LARGE1: variants seen among roughly 807,000 people sequenced by gnomAD.
LARGE1 encodes the protein xylosyl- and glucuronyltransferase LARGE1.
In LARGE1, 43 loss-of-function variants were observed where a neutral mutation model predicts 87.6. That is an observed-to-expected ratio of 0.49 (90% CI 0.38 to 0.63). The LOEUF is 0.63. Ranked by LOEUF, LARGE1 falls within the 30% of genes least tolerant of loss-of-function variation. The probability of loss-of-function intolerance (pLI) is 0.00; values close to 1 mark genes in which losing one functional copy is unlikely to be tolerated. For synonymous variants in LARGE1, 434 were observed against 394.6 expected, an observed-to-expected ratio of 1.10 and a Z score of -1.18; for missense variants, 802 against 1,000.2, an observed-to-expected ratio of 0.80 and a Z score of 2.67.
intron 6 of LARGE1, among the ~76,000 whole-genome samples, chr22:33,506,863 T>C (rs1204918300): frequency 6.6e-6 from 1 of 152,114 alleles, no homozygotes; most frequent in Non-Finnish European, 1.5e-5. Flanking sequence ...ATCACGCCAT[T>C]GTACTCCAGC....
At chr22:33,199,154 T>G (rs556643630) in intron 11 of LARGE1, among the ~76,000 whole-genome samples, 3 of 152,062 alleles carry the variant, frequency 2.0e-5, no homozygotes, top group Admixed American at 2.0e-4. Flanking sequence ...GTCTTCTTTT[T>G]AAAAATATCT....
chr22:33,093,838 T>G, the LARGE1 span, among the ~76,000 whole-genome samples: 1 of 144,860 alleles, frequency 6.9e-6, no homozygotes, highest in Admixed American at 6.9e-5. Context: ...TTTTTTTTTT[T>G]TTTTTTGAGA....
At chr22:33,564,049 G>C (rs1374280800) in intron 6 of LARGE1, among the ~76,000 whole-genome samples, 1 of 152,212 alleles carries the variant, frequency 6.6e-6, no homozygotes, top group Non-Finnish European at 1.5e-5. Context: ...AGGAATGGCA[G>C]AAGGGATTTT....
chr22:33,516,544 C>A (rs921978684), intron 6 of LARGE1, among the ~76,000 whole-genome samples: 2 of 152,094 alleles, frequency 1.3e-5, no homozygotes, highest in African/African-American at 2.4e-5. Flanking sequence ...CCACTGAGGA[C>A]AGACCAAGAT....
chr22:33,388,628 C>T (rs1214920641), intron 7 of LARGE1, among the ~76,000 whole-genome samples: 6 of 152,076 alleles, frequency 3.9e-5, no homozygotes, highest in Admixed American at 6.6e-5. Context: ...TGCAATGGCA[C>T]GATCTCGGCT....
chr22:33,488,417 C>T lies in LARGE1; in HGVS notation c.788-56152G>A, dbSNP rs143260966. 8.2e-3 allele frequency among the ~76,000 whole-genome samples: 1,255 copies of T among 152,210 alleles called. 16 individuals are homozygous for T. Among genetic ancestry groups the T allele is most frequent in the South Asian group, 0.044 (214 of 4,824 alleles). On this transcript the variant is annotated intron_variant, in intron 6 of 14. Coordinates refer to ENST00000397394, the MANE Select transcript of LARGE1 (RefSeq NM_133642.5). ...GAACAACAGGGCAAGAGAGTCAATT[C>T]CATGGAGGTTTGTAAAATAAAATGT...
intron 6 of LARGE1, among the ~76,000 whole-genome samples, chr22:33,527,030 G>A (rs2148544154): frequency 6.6e-6 from 1 of 152,332 alleles, no homozygotes; most frequent in South Asian, 2.1e-4. Flanking sequence ...GCCGAGGCGG[G>A]TGGATCACCT....
At chr22:33,587,540 CT>C (rs2148900993) in intron 5 of LARGE1, among the ~76,000 whole-genome samples, 1 of 152,126 alleles carries the variant, frequency 6.6e-6, no homozygotes, top group East Asian at 1.9e-4. Flanking sequence ...TATTCTTATT[CT>C]TTACCCATTT....
intron 3 of LARGE1, among the ~76,000 whole-genome samples, chr22:33,645,723 C>T (rs1355918261): frequency 2.0e-5 from 3 of 151,132 alleles, no homozygotes; most frequent in African/African-American, 7.4e-5. Flanking sequence ...CCAGAATCTA[C>T]AAGGAACTTA....
At chr22:33,313,605 C>T (rs1163849922) in intron 11 of LARGE1, among the ~76,000 whole-genome samples, 1 of 152,160 alleles carries the variant, frequency 6.6e-6, no homozygotes, top group African/African-American at 2.4e-5. Flanking sequence ...TCCTGCTGGC[C>T]TTGAAGAAGT....
chr22:33,787,734 G>A (rs1270945369), intron 1 of LARGE1, among the ~76,000 whole-genome samples: 2 of 152,146 alleles, frequency 1.3e-5, no homozygotes, highest in Non-Finnish European at 2.9e-5. Context: ...TGCATTCCAG[G>A]CAAGCCTCAA....
At chr22:33,359,388 A>C (rs1055944104) in intron 9 of LARGE1, among the ~76,000 whole-genome samples, 5 of 152,070 alleles carry the variant, frequency 3.3e-5, no homozygotes, top group African/African-American at 1.2e-4. Context: ...AGACTTGGGA[A>C]GATTAAGTGA....
intron 2 of LARGE1, among the ~76,000 whole-genome samples, chr22:33,716,312 T>C (rs73170540): frequency 0.037 from 5,604 of 152,350 alleles, 119 homozygotes; most frequent in Middle Eastern, 0.058. Flanking sequence ...GAAATTCCAA[T>C]TTAACAGAGG....
At chr22:33,168,654 ATATC>A (rs1257746227) in intron 11 of LARGE1, among the ~76,000 whole-genome samples, 2 of 152,240 alleles carry the variant, frequency 1.3e-5, no homozygotes, top group Non-Finnish European at 2.9e-5. Context: ...TATAAGGAAA[ATATC>A]TACTATATAT....
At chr22:33,333,983 A>G (rs1478436868) in intron 10 of LARGE1, among the ~76,000 whole-genome samples, 2 of 151,978 alleles carry the variant, frequency 1.3e-5, no homozygotes, top group Non-Finnish European at 2.9e-5. Flanking sequence ...TTAGCCGGGT[A>G]TGGTGGCAGG....
At chr22:33,628,029 C>T (rs73398733) in intron 3 of LARGE1, among the ~76,000 whole-genome samples, 2,879 of 152,226 alleles carry the variant, frequency 0.019, 92 homozygotes, top group African/African-American at 0.066. Flanking sequence ...TCTACCCCCA[C>T]ATTCAAAATG....
At chr22:33,521,888 G>A (rs113171689) in intron 6 of LARGE1, among the ~76,000 whole-genome samples, 4,434 of 152,244 alleles carry the variant, frequency 0.029, 105 homozygotes, top group Middle Eastern at 0.051. Flanking sequence ...AAAGCATAGC[G>A]CCTGCATCTA....
chr22:33,917,351 T>G (rs1419901648), intron 1 of LARGE1, among the ~76,000 whole-genome samples: 8 of 152,200 alleles, frequency 5.3e-5, no homozygotes, highest in Non-Finnish European at 1.2e-4. Context: ...TTCAGGGAAG[T>G]AGAATTATCT....
At chr22:33,393,658 C>T (rs112154065) in intron 7 of LARGE1, among the ~76,000 whole-genome samples, 23 of 152,228 alleles carry the variant, frequency 1.5e-4, no homozygotes, top group African/African-American at 5.1e-4. Flanking sequence ...GCCTGGCATT[C>T]GCTGCTGCCT....
Sources: allele counts gnomAD v4.1 joint callset (sites outside exome capture counted in the v4.1 genomes callset), GRCh38; gene constraint gnomAD v4.1.1; transcripts MANE v1.5; gene names NCBI Gene and HGNC (gene_info 2026-07-23, HGNC 2026-07-21).